MACROD2: variants seen among roughly 807,000 people sequenced by gnomAD.
The protein encoded by MACROD2 is mono-ADP ribosylhydrolase 2, also known as ADP-ribose glycohydrolase MACROD2.
Under a neutral mutation model 70.4 loss-of-function variants are expected in MACROD2, and 36 were observed. The observed-to-expected ratio is 0.51, with a 90% confidence interval of 0.39 to 0.68. The LOEUF (loss-of-function observed/expected upper bound fraction) is 0.68, where lower values mean the gene tolerates loss of function less well. Ranked by LOEUF, MACROD2 falls within the 30% of genes least tolerant of loss-of-function variation. The probability of loss-of-function intolerance (pLI) is 0.00; values close to 1 mark genes in which losing one functional copy is unlikely to be tolerated. For missense variants in MACROD2, 496 were observed against 538.4 expected (o/e 0.92, Z 0.78); for synonymous variants, 172 against 178.8 (o/e 0.96, Z 0.30).
chr20:14,176,951 C>T (rs1296386636), intron 3 of MACROD2, among the ~76,000 whole-genome samples: 1 of 152,120 alleles, frequency 6.6e-6, no homozygotes, highest in African/African-American at 2.4e-5. Context: ...AGATCAAATC[C>T]TTAAGAATTA....
At chr20:14,543,291 GAAC>G (rs2085455191) in intron 4 of MACROD2, among the ~76,000 whole-genome samples, 1 of 152,168 alleles carries the variant, frequency 6.6e-6, no homozygotes, top group Admixed American at 6.5e-5. Context: ...GGACAGAACA[GAAC>G]AGCATGAAAT....
At chr20:14,703,916 C>T (rs576009321) in intron 5 of MACROD2, among the ~76,000 whole-genome samples, 18 of 151,654 alleles carry the variant, frequency 1.2e-4, no homozygotes, top group Admixed American at 7.9e-4. Flanking sequence ...TTAGTAGAGA[C>T]GGGGTTTTAC....
intron 8 of MACROD2, among the ~76,000 whole-genome samples, chr20:15,861,101 G>A (rs899095367): frequency 1.3e-5 from 2 of 152,138 alleles, no homozygotes; most frequent in African/African-American, 4.8e-5. Flanking sequence ...AAGAATCCAG[G>A]ATGCTTAAGC....
chr20:14,592,448 CA>C (rs1981834550), intron 4 of MACROD2, among the ~76,000 whole-genome samples: 1 of 152,098 alleles, frequency 6.6e-6, no homozygotes, highest in South Asian at 2.1e-4. Flanking sequence ...TTCTGAGACA[CA>C]ATCTTGTTCT....
intron 3 of MACROD2, among the ~76,000 whole-genome samples, chr20:14,366,525 C>G (rs2083275031): frequency 6.6e-6 from 1 of 151,982 alleles, no homozygotes; most frequent in Non-Finnish European, 1.5e-5. Flanking sequence ...CACCACCACA[C>G]CCGGCTAATT....
intron 5 of MACROD2, among the ~76,000 whole-genome samples, chr20:14,734,876 A>T (rs6074784): frequency 6.6e-6 from 1 of 151,970 alleles, no homozygotes; most frequent in Non-Finnish European, 1.5e-5. Flanking sequence ...TATCAAGACC[A>T]TTGCATGGAC....
chr20:14,376,599 CA>C (rs968733028), intron 3 of MACROD2, among the ~76,000 whole-genome samples: 29 of 151,948 alleles, frequency 1.9e-4, no homozygotes, highest in African/African-American at 7.0e-4. Flanking sequence ...ATTTTAAAAA[CA>C]TTAGCCAGGC....
At chr20:15,568,576 C>T (rs922368804) in intron 8 of MACROD2, among the ~76,000 whole-genome samples, 5 of 152,170 alleles carry the variant, frequency 3.3e-5, no homozygotes, top group African/African-American at 4.8e-5. Context: ...TAGCAGGGCA[C>T]ATCAGTTTTG....
At chr20:15,338,325 G>T (rs945425654) in intron 6 of MACROD2, among the ~76,000 whole-genome samples, 2 of 151,602 alleles carry the variant, frequency 1.3e-5, no homozygotes, top group Non-Finnish European at 2.9e-5. Flanking sequence ...ATATGCTGAT[G>T]AATTCCTTTC....
chr20:15,480,964 A>T (rs2047089204), intron 7 of MACROD2, among the ~76,000 whole-genome samples: 1 of 152,122 alleles, frequency 6.6e-6, no homozygotes, highest in African/African-American at 2.4e-5. Context: ...TGTCTTCGTA[A>T]GTGGTCCCTT....
chr20:14,953,886 T>A (rs2074496332), intron 5 of MACROD2, among the ~76,000 whole-genome samples: 1 of 152,132 alleles, frequency 6.6e-6, no homozygotes, highest in South Asian at 2.1e-4. Flanking sequence ...CTACCATGTA[T>A]CTGACAATGA....
intron 3 of MACROD2, among the ~76,000 whole-genome samples, chr20:14,453,950 AC>A (rs1416920648): frequency 1.3e-5 from 2 of 151,748 alleles, no homozygotes; most frequent in Non-Finnish European, 2.9e-5. Context: ...ATTTAACCAA[AC>A]CCCTATTACA....
intron 3 of MACROD2, among the ~76,000 whole-genome samples, chr20:14,469,047 T>C (rs2084494956): frequency 6.6e-6 from 1 of 152,126 alleles, no homozygotes; most frequent in Non-Finnish European, 1.5e-5. Context: ...ATTCGGTATG[T>C]TTTTGCAGTG....
At chr20:15,919,486 C>T (rs2065369377) in intron 10 of MACROD2, among the ~76,000 whole-genome samples, 1 of 152,172 alleles carries the variant, frequency 6.6e-6, no homozygotes, top group Admixed American at 6.5e-5. Flanking sequence ...CCTGTAATCC[C>T]AGCCCTTTGG....
At chr20:15,622,908 G>C (rs1290095363) in intron 8 of MACROD2, among the ~76,000 whole-genome samples, 2 of 152,178 alleles carry the variant, frequency 1.3e-5, no homozygotes, top group African/African-American at 4.8e-5. Flanking sequence ...ATGGGAATAA[G>C]CATGGTGTAT....
intron 5 of MACROD2, among the ~76,000 whole-genome samples, chr20:15,082,120 C>T (rs2075708040): frequency 6.6e-6 from 1 of 152,162 alleles, no homozygotes; most frequent in Admixed American, 6.6e-5. Flanking sequence ...TCTCTTTCCT[C>T]ATTGTGAGAA....
intron 3 of MACROD2, among the ~76,000 whole-genome samples, chr20:14,369,483 G>A (rs1600169151): frequency 6.6e-6 from 1 of 151,988 alleles, no homozygotes; most frequent in African/African-American, 2.4e-5. Context: ...TTAATATTTT[G>A]GTTTCAGCAT....
intron 8 of MACROD2, among the ~76,000 whole-genome samples, chr20:15,780,392 T>C (rs2051810932): frequency 1.3e-5 from 2 of 151,980 alleles, no homozygotes; most frequent in South Asian, 2.1e-4. Context: ...AGTAAAACCA[T>C]TGGGAGAACA....
chr20:14,806,114 A>C lies in MACROD2; in HGVS notation c.418+121155A>C, dbSNP rs151011118. On this transcript the variant is annotated intron_variant, in intron 5 of 17. Coordinates refer to ENST00000684519, the MANE Select transcript of MACROD2 (RefSeq NM_001351661.2). ...TTGGAAGGTCTTATTTCCTGAGGGCATCTGGTACGTCTTTGGATAAATGTG... is the reference window on the plus strand; with the variant it reads ...TTGGAAGGTCTTATTTCCTGAGGGCCTCTGGTACGTCTTTGGATAAATGTG... 4.7e-4 allele frequency among the ~76,000 whole-genome samples: 71 copies of C among 152,268 alleles called. 1 individual carries two copies. The East Asian group carries it at 0.012, about 25-fold the overall frequency.
Sources: gnomAD v4.1 joint callset for allele counts (sites outside exome capture counted in the v4.1 genomes callset) on GRCh38, gnomAD v4.1.1 for gene constraint, MANE v1.5 for transcripts, NCBI Gene and HGNC (gene_info 2026-07-23, HGNC 2026-07-21) for gene names.